Variants in MROH7 observed in about 807,000 individuals in gnomAD.
The protein encoded by MROH7 is maestro heat-like repeat-containing protein family member 7.
MROH7 carries 113 observed loss-of-function variants against 129.2 expected under a neutral mutation model. That is an observed-to-expected ratio of 0.87 (90% CI 0.75 to 1.02). The LOEUF (loss-of-function observed/expected upper bound fraction) is 1.02, where lower values mean the gene tolerates loss of function less well. Among genes scored for constraint, MROH7 ranks in the 50% least tolerant of loss-of-function variants. The probability of loss-of-function intolerance (pLI) is 0.00; values close to 1 mark genes in which losing one functional copy is unlikely to be tolerated. For missense variants in MROH7, 1,601 were observed against 1,671.3 expected (o/e 0.96, Z 0.73); for synonymous variants, 655 against 667.9 (o/e 0.98, Z 0.30).
Position 54,674,071 on chromosome 1 carries a change from T to C in MROH7, c.1856T>C (p.Ile619Thr), listed in dbSNP as rs755376344. The C allele has an allele frequency of 3.0e-5, 49 of 1,613,918 alleles. No individual in the cohort carries two copies. Among genetic ancestry groups the C allele is most frequent in the Admixed American group, 3.0e-4 (18 of 59,992 alleles). The change falls in exon 10 of 24, where the codon ATT becomes ACT. Residue 619 changes from isoleucine to threonine, a missense_variant. Coordinates refer to ENST00000421030, the MANE Select transcript of MROH7 (RefSeq NM_001039464.4). ...CTGCTGGGGAGACTCATCCTTCACA[T>C]TGGGGATCCTGATGAGGAGATTGGC... ...GLLLGRLILH[I>T]GDPDEEIGCE...
At chr1:54,707,437 G>C (rs761985471) in intron 22 of MROH7, among the ~76,000 whole-genome samples, 29 of 152,228 alleles carry the variant, frequency 1.9e-4, no homozygotes, top group Non-Finnish European at 2.4e-4. Flanking sequence ...TACTCTGTGA[G>C]AGGTGTGATG....
In MROH7 at chr1:54,702,699, C is replaced by A. The variant is rs564825499; in HGVS notation, c.3518C>A (p.Pro1173His). The A allele has an allele frequency of 1.2e-6, 2 of 1,613,768 alleles. No homozygotes were observed. Among genetic ancestry groups the A allele is most frequent in the African/African-American group, 2.7e-5 (2 of 75,000 alleles). Residue 1173 changes from proline to histidine, a missense_variant, in exon 21 of 24, where the codon CCC becomes CAC. Pro to His is a moderately conservative substitution (Grantham distance 77, BLOSUM62 -2). Transcript: ENST00000421030. ...CCAAAAAGAGCTTATAGCCGGAAGC[C>A]CTGGGACAACCAACAGCAGACAGTG... is the stretch of plus-strand genomic sequence containing the variant. ...ELPKRAYSRK[P>H]WDNQQQTVAK...
intron 7 of MROH7, among the ~76,000 whole-genome samples, chr1:54,671,781 C>T (rs1335438172): frequency 4.6e-5 from 7 of 152,180 alleles, no homozygotes; most frequent in African/African-American, 1.2e-4. Context: ...ATGCTGAACT[C>T]AGCACAGGAG....
chr1:54,645,643 C>T (rs1183620921), intron 1 of MROH7, among the ~76,000 whole-genome samples: 2 of 123,324 alleles, frequency 1.6e-5, no homozygotes, highest in Non-Finnish European at 1.7e-5. Context: ...CTTTTCTTTT[C>T]TTTCTTTCTT....
intron 10 of MROH7, among the ~76,000 whole-genome samples, chr1:54,676,584 A>AAG (rs1491083688): frequency 1.3e-5 from 2 of 152,012 alleles, no homozygotes; most frequent in African/African-American, 2.4e-5. Context: ...TAATAGAGTC[A>AAG]GAGTTTTGCC....
chr1:54,687,597 C>T (rs1301690392), intron 15 of MROH7, among the ~76,000 whole-genome samples: 1 of 152,132 alleles, frequency 6.6e-6, no homozygotes, highest in Non-Finnish European at 1.5e-5. Context: ...AGGGCTTCTG[C>T]ATTACATGTT....
At chr1:54,657,020 A>G (rs1445209156) in intron 3 of MROH7, among the ~76,000 whole-genome samples, 5 of 151,002 alleles carry the variant, frequency 3.3e-5, no homozygotes, top group African/African-American at 1.2e-4. Flanking sequence ...GACTCTGTCT[A>G]TATAAAAAAC....
chr1:54,685,166 G>A (rs1204522092), intron 14 of MROH7, among the ~76,000 whole-genome samples: 1 of 151,952 alleles, frequency 6.6e-6, no homozygotes, highest in Non-Finnish European at 1.5e-5. Flanking sequence ...ACAGGCACCC[G>A]CCACCACACC....
chr1:54,691,149 C>T (rs1048489890), intron 15 of MROH7, among the ~76,000 whole-genome samples: 5 of 152,202 alleles, frequency 3.3e-5, no homozygotes, highest in Non-Finnish European at 7.3e-5. Flanking sequence ...GTCTTTCTCC[C>T]TCCCTTTTGT....
chr1:54,670,647 C>A, intron 6 of MROH7, 71 bp downstream of exon 6: 1 of 1,507,226 alleles, frequency 6.6e-7, no homozygotes. Flanking sequence ...CCCTCCATCT[C>A]TTCGCTGTAC....
At position 54,693,965 on chromosome 1, in the gene MROH7, T is replaced by C. The variant is rs140915031; in HGVS notation, c.2849+1404T>C. Reference sequence around the variant, plus strand: ...GGTGTGATCTCTGCTCATTGCAACCTCTGCCTCCTGGGTTCAAGCGATTCT... The same window carrying C: ...GGTGTGATCTCTGCTCATTGCAACCCCTGCCTCCTGGGTTCAAGCGATTCT... On this transcript the variant is annotated intron_variant, in intron 16 of 23. Coordinates refer to ENST00000421030, the MANE Select transcript of MROH7 (RefSeq NM_001039464.4). Among the ~76,000 whole-genome samples, 790 of 152,338 alleles carry C rather than the reference T, an allele frequency of 5.2e-3. 4 individuals are homozygous for C. Among genetic ancestry groups the C allele is most frequent in the African/African-American group, 0.018 (753 of 41,572 alleles).
In MROH7 at chr1:54,682,061, C is replaced by G. The variant is rs76146638; in HGVS notation, c.2382-595C>G. Reference sequence around the variant, plus strand: ...CAAGATTTGCGTAGGGCCTGGTGTACAGTAAATGCTCAGCTAATATCTGCC... The same window carrying G: ...CAAGATTTGCGTAGGGCCTGGTGTAGAGTAAATGCTCAGCTAATATCTGCC... On this transcript the variant is annotated intron_variant, in intron 13 of 23. Coordinates refer to ENST00000421030, the MANE Select transcript of MROH7 (RefSeq NM_001039464.4). Among the ~76,000 whole-genome samples, 97 of 152,114 alleles carry G rather than the reference C, an allele frequency of 6.4e-4. No homozygotes were observed. In the East Asian group the frequency reaches 0.013, roughly 21 times the overall value.
chr1:54,654,189 A>C, intron 3 of MROH7, 32 bp downstream of exon 3: 2 of 1,547,362 alleles, frequency 1.3e-6, no homozygotes, highest in Non-Finnish European at 1.7e-6. Context: ...TAGAGAGAGC[A>C]CTGTCCTGGA....
chr1:54,687,718 G>A (rs1044850813), intron 15 of MROH7, among the ~76,000 whole-genome samples: 2 of 151,940 alleles, frequency 1.3e-5, no homozygotes, highest in East Asian at 1.9e-4. Context: ...GCCACCAGCA[G>A]TGTATGAGTA....
At position 54,707,191 on chromosome 1, in the gene MROH7, C is replaced by T. The variant is rs528506283; in HGVS notation, c.3667+654C>T. The stretch of plus-strand genomic sequence containing the variant: ...GCACATTCCCCTTGACCAGAGCCCC[C>T]GACAGGACCCTTCTGATGGCAAGTG... On this transcript the variant is annotated intron_variant, in intron 22 of 23. Coordinates refer to ENST00000421030, the MANE Select transcript of MROH7 (RefSeq NM_001039464.4). Among the ~76,000 whole-genome samples the T allele has an allele frequency of 6.4e-4, 98 of 152,258 alleles. 1 individual carries two copies. The highest frequency in any genetic ancestry group is 2.1e-3 in the African/African-American group (88 of 41,536).
chr1:54,659,457 A>ATT (rs762971443), intron 3 of MROH7, among the ~76,000 whole-genome samples: 1 of 64,992 alleles, frequency 1.5e-5, no homozygotes. Flanking sequence ...TAATTTTTGT[A>ATT]TTTTTTTTTT....
intron 1 of MROH7, among the ~76,000 whole-genome samples, chr1:54,645,626 G>A (rs1381398363): frequency 6.8e-6 from 1 of 147,208 alleles, no homozygotes; most frequent in Non-Finnish European, 1.5e-5. Context: ...TAGCTCCAAT[G>A]ATATTTCTTT....
At chr1:54,687,355 G>A (rs1036060862) in intron 15 of MROH7, among the ~76,000 whole-genome samples, 3 of 152,190 alleles carry the variant, frequency 2.0e-5, no homozygotes, top group South Asian at 2.1e-4. Flanking sequence ...GATTATAGGC[G>A]TGAGCCACTG....
chr1:54,673,016 C>A, intron 7 of MROH7, 75 bp from the exon 8 acceptor site: 2 of 1,096,078 alleles, frequency 1.8e-6, no homozygotes, highest in Non-Finnish European at 2.8e-6. Context: ...CTCCCCTGAC[C>A]TACACCAGGG....
Sources: allele counts gnomAD v4.1 joint callset (sites outside exome capture counted in the v4.1 genomes callset), GRCh38; gene constraint gnomAD v4.1.1; transcripts MANE v1.5; gene names NCBI Gene and HGNC (gene_info 2026-07-23, HGNC 2026-07-21).